The following PAM variants were observed in gnomAD, a reference collection of about 807,000 sequenced individuals.
PAM encodes peptidyl-glycine alpha-amidating monooxygenase.
Under a neutral mutation model 122.1 loss-of-function variants are expected in PAM, and 72 were observed. The observed-to-expected ratio is 0.59, with a 90% confidence interval of 0.49 to 0.72. PAM has a LOEUF of 0.72. Among genes scored for constraint, PAM ranks in the 30% least tolerant of loss-of-function variants. The probability of loss-of-function intolerance (pLI) is 0.00; values close to 1 mark genes in which losing one functional copy is unlikely to be tolerated. For missense variants in PAM, 1,106 were observed against 1,183.7 expected, an observed-to-expected ratio of 0.93 and a Z score of 0.96; for synonymous variants, 389 against 404.4, an observed-to-expected ratio of 0.96 and a Z score of 0.46.
intron 16 of PAM, among the ~76,000 whole-genome samples, chr5:102,993,489 A>G (rs139988190): frequency 4.7e-4 from 72 of 152,194 alleles, no homozygotes; most frequent in African/African-American, 1.4e-3. Context: ...CCTAACTTAT[A>G]GATGTTAGAA....
intron 1 of PAM, among the ~76,000 whole-genome samples, chr5:102,768,866 C>T (rs1174995015): frequency 6.6e-6 from 1 of 152,006 alleles, no homozygotes; most frequent in African/African-American, 2.4e-5. Flanking sequence ...GACATATATA[C>T]CCCAAAGAAA....
intron 3 of PAM, among the ~76,000 whole-genome samples, chr5:102,892,831 A>T (rs1795124836): frequency 6.6e-6 from 1 of 151,878 alleles, no homozygotes; most frequent in Non-Finnish European, 1.5e-5. Flanking sequence ...GATACCAGTT[A>T]TCAATGCGTA....
At chr5:102,976,066 G>C (rs1010703378) in intron 15 of PAM, among the ~76,000 whole-genome samples, 2 of 152,088 alleles carry the variant, frequency 1.3e-5, no homozygotes, top group African/African-American at 4.8e-5. Flanking sequence ...AGAGAAAAAT[G>C]CTTCTCTAGT....
chr5:102,792,779 AGTT>A (rs1762370520), intron 1 of PAM, among the ~76,000 whole-genome samples: 1 of 152,180 alleles, frequency 6.6e-6, no homozygotes, highest in Admixed American at 6.5e-5. Context: ...ATACAGCTTC[AGTT>A]TTTGAGGCTC....
chr5:103,008,389 T>C (rs569208938), intron 20 of PAM, among the ~76,000 whole-genome samples: 161 of 152,254 alleles, frequency 1.1e-3, no homozygotes, highest in African/African-American at 3.7e-3. Flanking sequence ...TAAGTAAGGC[T>C]AATTAGCAAA....
At chr5:102,901,914 A>G (rs1366801514) in intron 4 of PAM, among the ~76,000 whole-genome samples, 2 of 151,572 alleles carry the variant, frequency 1.3e-5, no homozygotes, top group Admixed American at 1.3e-4. Context: ...AAGAAAGAAC[A>G]TTTATGTTGT....
chr5:103,029,331 A>C lies in PAM; in HGVS notation c.*266A>C. ...TTTCCATCATAATTCTAATCTAACA[A>C]TGGAAGATTTGCCCATTTACACTTT... On this transcript the variant is annotated 3_prime_UTR_variant, in exon 26 of 26. Transcript: ENST00000438793. 3.3e-6 allele frequency: 1 copy of C among 304,252 alleles called. No homozygotes were observed. Among genetic ancestry groups the C allele is most frequent in the East Asian group, 5.3e-5 (1 of 18,704 alleles). The allele number at this position is 304,252 out of a possible 1,614,324, so 18.8% of individuals were successfully genotyped here. A position where few individuals can be genotyped will look rare whatever the true frequency, so the allele number is the denominator to read the frequency against.
At chr5:103,000,037 G>T (rs908289981) in intron 16 of PAM, among the ~76,000 whole-genome samples, 2 of 152,168 alleles carry the variant, frequency 1.3e-5, no homozygotes, top group Admixed American at 6.5e-5. Context: ...CACATCATCA[G>T]GCTGCAAATT....
chr5:102,946,588 G>A (rs1207398442), intron 7 of PAM, among the ~76,000 whole-genome samples: 1 of 147,338 alleles, frequency 6.8e-6, no homozygotes, highest in Non-Finnish European at 1.5e-5. Flanking sequence ...TCAATATATT[G>A]GTCAGTTTGA....
chr5:102,784,527 A>T (rs1581034133), intron 1 of PAM, among the ~76,000 whole-genome samples: 1 of 152,138 alleles, frequency 6.6e-6, no homozygotes, highest in East Asian at 1.9e-4. Context: ...TTAAACTCTG[A>T]TTACTTTTGT....
At chr5:102,869,212 T>C (rs888912755) in intron 3 of PAM, among the ~76,000 whole-genome samples, 1 of 152,212 alleles carries the variant, frequency 6.6e-6, no homozygotes, top group Non-Finnish European at 1.5e-5. Flanking sequence ...CCGCAATGAT[T>C]GGTTCAAAAG....
chr5:102,871,448 G>T (rs75399750), intron 3 of PAM, among the ~76,000 whole-genome samples: 3,550 of 151,924 alleles, frequency 0.023, 159 homozygotes, highest in African/African-American at 0.08. Context: ...TGAACCAAAT[G>T]AAGAAAATAG....
chr5:103,019,068 G>A (rs557833875), intron 22 of PAM, among the ~76,000 whole-genome samples: 90 of 152,286 alleles, frequency 5.9e-4, no homozygotes, highest in African/African-American at 2.1e-3. Context: ...GCCATGGCCC[G>A]GGATTTGGGG....
At chr5:102,906,922 A>G (rs1799736020) in intron 4 of PAM, among the ~76,000 whole-genome samples, 1 of 151,748 alleles carries the variant, frequency 6.6e-6, no homozygotes, top group African/African-American at 2.4e-5. Context: ...AGTAAAGCTT[A>G]TGCTGTTTTA....
intron 5 of PAM, among the ~76,000 whole-genome samples, chr5:102,920,423 C>CCACT (rs971339783): frequency 6.6e-6 from 1 of 152,044 alleles, no homozygotes; most frequent in Admixed American, 6.6e-5. Flanking sequence ...AGCAAAGGAA[C>CCACT]AGTGGGTAGT....
At chr5:103,022,556 T>C (rs1046777763) in intron 23 of PAM, among the ~76,000 whole-genome samples, 2 of 152,134 alleles carry the variant, frequency 1.3e-5, no homozygotes, top group Admixed American at 6.5e-5. Flanking sequence ...TTTAGAAAAT[T>C]TGTTTATTTC....
At chr5:102,823,713 G>A (rs1772750391) in intron 1 of PAM, among the ~76,000 whole-genome samples, 1 of 152,156 alleles carries the variant, frequency 6.6e-6, no homozygotes, top group East Asian at 1.9e-4. Flanking sequence ...ACTGAAATAT[G>A]ACCCAGAATT....
At chr5:102,833,900 A>AC (rs1424546747) in intron 1 of PAM, among the ~76,000 whole-genome samples, 1 of 152,190 alleles carries the variant, frequency 6.6e-6, no homozygotes, top group Non-Finnish European at 1.5e-5. Flanking sequence ...AATGGCCAAT[A>AC]CACAAACATT....
rs374267254 is a variant in PAM, at chr5:102,973,991, C to G, written c.1163-125C>G. 15 of 613,570 alleles carry G rather than the reference C, an allele frequency of 2.4e-5. No individual in the cohort carries two copies. The South Asian group carries it at 2.8e-4, about 11-fold the overall frequency. 38.0% of individuals were successfully genotyped at this position (613,570 alleles called of 1,614,324 possible). On this transcript the variant is annotated intron_variant, in intron 14 of 25. Coordinates refer to ENST00000438793, the MANE Select transcript of PAM (RefSeq NM_001177306.2). ...TTTTTTTCCTCCTATGCTTAAAAGT[C>G]TGAGTGCAAACTTCTCTCTTATTTA...
Sources: allele counts gnomAD v4.1 joint callset (sites outside exome capture counted in the v4.1 genomes callset), GRCh38; gene constraint gnomAD v4.1.1; transcripts MANE v1.5; gene names NCBI Gene and HGNC (gene_info 2026-07-23, HGNC 2026-07-21).